Variants in ZNF529 observed in about 807,000 individuals in gnomAD.
ZNF529 encodes zinc finger protein 529.
In ZNF529, 11 loss-of-function variants were observed where a neutral mutation model predicts 10.1. The ratio of observed to expected loss-of-function variants is 1.09; its 90% confidence interval spans 0.69 to 1.81. The LOEUF is 1.81. Ranked by LOEUF, ZNF529 falls within the 40% of genes most tolerant of loss-of-function variation. The pLI, the probability that ZNF529 is intolerant of heterozygous loss-of-function variation, is 0.00. For synonymous variants in ZNF529, 204 were observed against 215.7 expected, an observed-to-expected ratio of 0.95 and a Z score of 0.47; for missense variants, 624 against 666.8, an observed-to-expected ratio of 0.94 and a Z score of 0.71.
At chr19:36,552,822 G>T (rs1158292419) in intron 4 of ZNF529, among the ~76,000 whole-genome samples, 1 of 152,178 alleles carries the variant, frequency 6.6e-6, no homozygotes, top group African/African-American at 2.4e-5. Context: ...AAAGAGAAAT[G>T]TGAGGGAACT....
Position 36,572,323 on chromosome 19 carries a change from A to C in ZNF529, c.14+10T>G. On this transcript the variant is annotated intron_variant, in intron 2 of 4. Transcript: ENST00000591340. ...AGGGACCAGGTAAATGAACAAAAAA[A>C]AAAACTAACCTTGAGTTGGCCATTA... 6.4e-7 allele frequency: 1 copy of C among 1,551,088 alleles called. No homozygotes were observed.
chr19:36,573,802 T>G (rs555855411), upstream of ZNF529, among the ~76,000 whole-genome samples: 101 of 152,126 alleles, frequency 6.6e-4, no homozygotes, highest in Non-Finnish European at 1.2e-3. Flanking sequence ...GTACAGCCTT[T>G]AGGCTGGGGA....
intron 2 of ZNF529, among the ~76,000 whole-genome samples, chr19:36,566,901 T>C (rs892296003): frequency 4.0e-5 from 6 of 151,640 alleles, no homozygotes; most frequent in African/African-American, 1.5e-4. Context: ...GCACCTGTAG[T>C]CTCAGCTACT....
chr19:36,554,137 C>G (rs1210200118), intron 4 of ZNF529, among the ~76,000 whole-genome samples: 1 of 152,170 alleles, frequency 6.6e-6, no homozygotes, highest in Admixed American at 6.5e-5. Flanking sequence ...TCAAATCCAG[C>G]TCCTTGGTAT....
At chr19:36,562,299 T>C (rs925615616) in intron 2 of ZNF529, among the ~76,000 whole-genome samples, 2 of 152,236 alleles carry the variant, frequency 1.3e-5, no homozygotes, top group East Asian at 1.9e-4. Flanking sequence ...GTTTCACAGG[T>C]ACAGGACTAG....
chr19:36,577,494 C>CT (rs775727195), upstream of ZNF529: 956 of 141,152 alleles, frequency 6.8e-3, 7 homozygotes, highest in African/African-American at 0.017. Context: ...ATTGTACTCT[C>CT]TTTTTTTTTT....
At chr19:36,576,718 AAATAATAAT>A (rs141522986), upstream of ZNF529, among the ~76,000 whole-genome samples, 8 of 149,832 alleles carry the variant, frequency 5.3e-5, no homozygotes, top group Non-Finnish European at 1.0e-4. Context: ...CTCCGTCTCA[AAATAATAAT>A]AATAATAATA....
chr19:36,588,093 A>G (rs189170611), intron 2 of ZNF529, among the ~76,000 whole-genome samples: 123 of 152,304 alleles, frequency 8.1e-4, no homozygotes, highest in Non-Finnish European at 1.2e-3. Flanking sequence ...AGTTGCAGTG[A>G]GCCGAGATCA....
chr19:36,577,976 T>G (rs1375484837), upstream of ZNF529: 2 of 150,382 alleles, frequency 1.3e-5, no homozygotes, highest in Non-Finnish European at 3.0e-5. Context: ...CCCTTATATT[T>G]TTTTTATAAA....
intron 2 of ZNF529, among the ~76,000 whole-genome samples, chr19:36,584,078 A>G (rs1186818247): frequency 6.6e-6 from 1 of 152,140 alleles, no homozygotes; most frequent in Non-Finnish European, 1.5e-5. Context: ...CATCACAGTG[A>G]TAATGCAAAA....
rs190744135 is a variant in ZNF529 at position 36,555,282 on chromosome 19, G to C, written c.109-486C>G. ...TATAATAACAATTATTACTTCCAGC[G>C]ATAAAGTTTTTTTTTTTTTTTTGAG... is the stretch of plus-strand genomic sequence containing the variant. On this transcript the variant is annotated intron_variant, in intron 3 of 4. Transcript: ENST00000591340. Among the ~76,000 whole-genome samples, 10 of 98,990 alleles carry C rather than the reference G, an allele frequency of 1.0e-4. 1 individual carries two copies. Among genetic ancestry groups the C allele is most frequent in the Admixed American group, 2.6e-4 (3 of 11,340 alleles). 64.9% of individuals were successfully genotyped at this position (98,990 alleles called of 152,430 possible). A position where few individuals can be genotyped will look rare whatever the true frequency, so the allele number is the denominator to read the frequency against.
chr19:36,547,833 A>C lies in ZNF529; in HGVS notation c.725T>G (p.Phe242Cys). Reference sequence around the variant, plus strand: ...ATTATGAATTTTCTGGTATACATTAAAGTCTTTATAAAAACTACATGTATT... The same window carrying C: ...ATTATGAATTTTCTGGTATACATTACAGTCTTTATAAAAACTACATGTATT... ...YGNTCSFYKD[F>C]NVYQKIHNEK... Residue 242 changes from phenylalanine (F) to cysteine (C), a missense_variant, in exon 5 of 5, where the codon TTT becomes TGT. Transcript: ENST00000591340. 6.2e-7 allele frequency: 1 copy of C among 1,610,496 alleles called. No individual in the cohort carries two copies. The highest frequency in any genetic ancestry group is 8.5e-7 in the Non-Finnish European group (1 of 1,177,908).
chr19:36,578,977 C>T (rs948298566), intron 2 of ZNF529, among the ~76,000 whole-genome samples: 1 of 149,740 alleles, frequency 6.7e-6, no homozygotes, highest in Non-Finnish European at 1.5e-5. Context: ...GAGGCCGAGG[C>T]GGGTGGATCA....
chr19:36,590,714 A>G (rs919166581), intron 1 of ZNF529, among the ~76,000 whole-genome samples: 3 of 152,006 alleles, frequency 2.0e-5, no homozygotes, highest in Non-Finnish European at 4.4e-5. Flanking sequence ...CAGATCACCT[A>G]AAGTCAGGAG....
At chr19:36,573,646 C>A (rs2145214320), upstream of ZNF529, 1 of 377,534 alleles carries the variant, frequency 2.6e-6, no homozygotes, top group African/African-American at 2.1e-5. Context: ...GCCCCTGCCT[C>A]ACCTCTGGAA....
intron 1 of ZNF529, among the ~76,000 whole-genome samples, chr19:36,592,900 A>C (rs1490388009): frequency 1.3e-5 from 2 of 152,190 alleles, no homozygotes; most frequent in Non-Finnish European, 2.9e-5. Context: ...ACAAAATACA[A>C]TATCCCTTCA....
intron 2 of ZNF529, among the ~76,000 whole-genome samples, chr19:36,563,564 T>C (rs1335864593): frequency 6.6e-6 from 1 of 151,656 alleles, no homozygotes; most frequent in African/African-American, 2.4e-5. Context: ...AAGAATAACA[T>C]ACCTAAGAAT....
intron 4 of ZNF529, chr19:36,552,021 A>C (rs1007979478): frequency 6.6e-6 from 1 of 152,162 alleles, no homozygotes; most frequent in African/African-American, 2.4e-5. Context: ...TTTTTGGTCA[A>C]TATATACATA....
intron 2 of ZNF529, among the ~76,000 whole-genome samples, chr19:36,579,839 TA>T (rs2036424132): frequency 6.6e-6 from 1 of 152,204 alleles, no homozygotes; most frequent in Non-Finnish European, 1.5e-5. Context: ...TCACTAAATT[TA>T]TTTTTTTAAG....
Sources: gnomAD v4.1 joint callset for allele counts (sites outside exome capture counted in the v4.1 genomes callset) on GRCh38, gnomAD v4.1.1 for gene constraint, MANE v1.5 for transcripts, NCBI Gene and HGNC (gene_info 2026-07-23, HGNC 2026-07-21) for gene names.